TAF4: variants seen among roughly 807,000 people sequenced by gnomAD.
TAF4 encodes TATA-box binding protein associated factor 4.
TAF4 carries 9 observed loss-of-function variants against 90.3 expected under a neutral mutation model. That is an observed-to-expected ratio of 0.10 (90% CI 0.06 to 0.17). The LOEUF is 0.17. Ranked by LOEUF, TAF4 falls within the 10% of genes least tolerant of loss-of-function variation. The pLI is 1.00. For synonymous variants in TAF4, 818 were observed against 638.9 expected (o/e 1.28, Z -4.23); for missense variants, 1,351 against 1,370.7 (o/e 0.99, Z 0.23).
rs756251942 is a variant in TAF4 at position 62,064,496 on chromosome 20, G to A, written c.1315C>T (p.Pro439Ser). Residue 439 changes from proline (P) to serine (S), a missense_variant, in exon 1 of 15, where the codon CCG becomes TCG. Pro to Ser is a moderately conservative substitution (Grantham distance 74). Transcript: ENST00000252996. ...TGGATGTTGGTCGGGTTCTGAGGCG[G>A]CTGCGGCAAGCGGGGGGCCAGCACG... ...PTVLAPRLPQ[P>S]PQNPTNIQNF... The A allele has an allele frequency of 2.6e-6, 4 of 1,516,280 alleles. No homozygotes were observed. The highest frequency in any genetic ancestry group is 2.2e-5 in the Admixed American group (1 of 46,010). 93.9% of individuals were successfully genotyped at this position (1,516,280 alleles called of 1,614,324 possible). A position where few individuals can be genotyped will look rare whatever the true frequency, so the allele number is the denominator to read the frequency against.
At chr20:62,040,799 C>A (rs999047936) in intron 1 of TAF4, among the ~76,000 whole-genome samples, 38 of 152,244 alleles carry the variant, frequency 2.5e-4, no homozygotes, top group African/African-American at 9.2e-4. Context: ...ACCAAACTCA[C>A]ACCTTCCGTA....
Position 62,007,527 on chromosome 20 carries a change from AC to A in TAF4, c.1974+19del. Reference sequence around the variant, plus strand: ...CTCCCTGGCCCTACTGCTCGCAGGCACCGGGGCCTTTGAAATTACCTTCAGG... The same window carrying A: ...CTCCCTGGCCCTACTGCTCGCAGGCACGGGGCCTTTGAAATTACCTTCAGG... On this transcript the variant is annotated intron_variant, in intron 6 of 14. Coordinates refer to ENST00000252996, the MANE Select transcript of TAF4 (RefSeq NM_003185.4). The A allele has an allele frequency of 6.2e-7, 1 of 1,611,668 alleles. No homozygotes were observed.
intron 1 of TAF4, among the ~76,000 whole-genome samples, chr20:62,019,848 G>C (rs1371674121): frequency 6.6e-6 from 1 of 152,234 alleles, no homozygotes; most frequent in East Asian, 1.9e-4. Flanking sequence ...AGCATGCGAA[G>C]CTGTGCCACA....
At chr20:61,980,462 T>C (rs1399214595) in intron 14 of TAF4, 4 of 152,238 alleles carry the variant, frequency 2.6e-5, no homozygotes, top group Non-Finnish European at 5.9e-5. Flanking sequence ...CGGGTAACAA[T>C]AGCCTATGCC....
chr20:61,997,544 C>A lies in TAF4; in HGVS notation c.3090+6G>T. On this transcript the variant is annotated splice_donor_region_variant and intron_variant, in intron 14 of 14. Coordinates refer to ENST00000252996, the MANE Select transcript of TAF4 (RefSeq NM_003185.4). Reference sequence around the variant, plus strand: ...CCAGGACCTCGATCCCACAACACTGCCGTACCTCTGCTCCTGAGCCCGGCC... The same window carrying A: ...CCAGGACCTCGATCCCACAACACTGACGTACCTCTGCTCCTGAGCCCGGCC... 1 of 1,589,996 alleles carries A rather than the reference C, an allele frequency of 6.3e-7. No individual in the cohort carries two copies. The highest frequency in any genetic ancestry group is 8.5e-7 in the Non-Finnish European group (1 of 1,169,988).
chr20:62,006,891 G>T lies in TAF4; in HGVS notation c.1975-133C>A, dbSNP rs2055749835. On this transcript the variant is annotated intron_variant, in intron 6 of 14. Coordinates refer to ENST00000252996, the MANE Select transcript of TAF4 (RefSeq NM_003185.4). The surrounding 1 kb of genome is among the most constrained non-coding windows in gnomAD (Gnocchi z 7.0). ...AAGATGGATCTTGGCCCTCACGGCA[G>T]CATGTCTGGATGTCAAGGGCCAGGA... The T allele has an allele frequency of 1.6e-6, 2 of 1,252,768 alleles. No individual in the cohort carries two copies. The highest frequency in any genetic ancestry group is 5.5e-5 in the South Asian group (2 of 36,354). 77.6% of individuals were successfully genotyped at this position (1,252,768 alleles called of 1,614,324 possible).
At chr20:62,029,830 CG>C (rs1382348176) in intron 1 of TAF4, among the ~76,000 whole-genome samples, 1 of 152,142 alleles carries the variant, frequency 6.6e-6, no homozygotes, top group Non-Finnish European at 1.5e-5. Context: ...CGCTTGAACC[CG>C]GGAGTCGGAG....
At chr20:61,976,914 G>C (rs1253377522) in intron 14 of TAF4, among the ~76,000 whole-genome samples, 1 of 152,186 alleles carries the variant, frequency 6.6e-6, no homozygotes, top group African/African-American at 2.4e-5. Flanking sequence ...CAGGTGACCA[G>C]GTGTCTCCCG....
chr20:61,996,839 T>C (rs186037422), intron 14 of TAF4, among the ~76,000 whole-genome samples: 1 of 151,510 alleles, frequency 6.6e-6, no homozygotes, highest in Admixed American at 6.6e-5. Flanking sequence ...ATACAATTTT[T>C]CAAGTAAACA....
In TAF4 at chr20:61,976,165, G is replaced by A. The variant is rs769374020; in HGVS notation, c.*3C>T. The A allele has an allele frequency of 1.9e-6, 3 of 1,613,666 alleles. No individual in the cohort carries two copies. Among genetic ancestry groups the A allele is most frequent in the South Asian group, 2.2e-5 (2 of 91,088 alleles). Reference sequence around the variant, plus strand: ...ATAAAAAGTCCCCAGGCGTCCTCCTGTGTCACTTAAGGAATGCTTTGTAGA... The same window carrying A: ...ATAAAAAGTCCCCAGGCGTCCTCCTATGTCACTTAAGGAATGCTTTGTAGA... On this transcript the variant is annotated 3_prime_UTR_variant, in exon 15 of 15. Coordinates refer to ENST00000252996, the MANE Select transcript of TAF4 (RefSeq NM_003185.4).
chr20:62,032,047 G>A (rs916626677), intron 1 of TAF4, among the ~76,000 whole-genome samples: 3 of 152,156 alleles, frequency 2.0e-5, no homozygotes, highest in Non-Finnish European at 2.9e-5. Flanking sequence ...CTCCCATCTC[G>A]CACTCTTCCT....
chr20:62,018,835 A>G (rs1215817512), intron 1 of TAF4, among the ~76,000 whole-genome samples: 1 of 152,246 alleles, frequency 6.6e-6, no homozygotes, highest in Non-Finnish European at 1.5e-5. Context: ...TCCTCGTCCA[A>G]CCAAGATGGG....
chr20:62,013,061 C>T (rs2055788964), intron 2 of TAF4, 127 bp from the exon 3 acceptor site: 7 of 1,343,414 alleles, frequency 5.2e-6, no homozygotes, highest in Admixed American at 2.8e-5. Flanking sequence ...TATCCGTGAT[C>T]TGCAATGAAG....
intron 14 of TAF4, among the ~76,000 whole-genome samples, chr20:61,989,090 A>AGT (rs1163325569): frequency 6.6e-6 from 1 of 152,184 alleles, no homozygotes; most frequent in Non-Finnish European, 1.5e-5. Flanking sequence ...GGGGGCGGCT[A>AGT]AACGGAAGCC....
intron 14 of TAF4, among the ~76,000 whole-genome samples, chr20:61,995,372 A>C (rs67310354): frequency 0.11 from 17,316 of 152,248 alleles, 1,293 homozygotes; most frequent in Non-Finnish European, 0.16. Context: ...AACAAAATGG[A>C]AACTTCAACT....
chr20:61,992,723 GT>G (rs2055638925), intron 14 of TAF4, among the ~76,000 whole-genome samples: 1 of 152,128 alleles, frequency 6.6e-6, no homozygotes, highest in Non-Finnish European at 1.5e-5. Context: ...GAAGAAACCA[GT>G]TCTTGGAGAA....
chr20:61,979,571 T>C (rs1018625509), intron 14 of TAF4, among the ~76,000 whole-genome samples: 2 of 141,522 alleles, frequency 1.4e-5, no homozygotes, highest in African/African-American at 2.7e-5. Context: ...CTGCGGCCCA[T>C]GCAGGCGCGA....
Position 62,064,685 on chromosome 20 carries a change from C to A in TAF4, c.1126G>T (p.Gly376Trp). Residue 376 changes from glycine to tryptophan, a missense_variant, in exon 1 of 15, where the codon GGG (glycine) becomes TGG (tryptophan). Coordinates refer to ENST00000252996, the MANE Select transcript of TAF4 (RefSeq NM_003185.4). ...PASTAASMVI[G>W]PTMQGALPSP... ...GGCAGCGCCCCTTGCATAGTTGGCC[C>A]GATGACCATGCTGGCCGCCGTGCTG... 7.9e-7 allele frequency: 1 copy of A among 1,263,632 alleles called. No homozygotes were observed. The highest frequency in any genetic ancestry group is 9.9e-7 in the Non-Finnish European group (1 of 1,009,498). 78.3% of individuals were successfully genotyped at this position (1,263,632 alleles called of 1,614,324 possible). A position where few individuals can be genotyped will look rare whatever the true frequency, so the allele number is the denominator to read the frequency against.
chr20:62,037,181 A>C (rs1352373456), intron 1 of TAF4, among the ~76,000 whole-genome samples: 2 of 32,668 alleles, frequency 6.1e-5, no homozygotes, highest in Non-Finnish European at 1.6e-4. Context: ...GAGAAGACAG[A>C]CTGCCTCCCC....
Sources: allele counts gnomAD v4.1 joint callset (sites outside exome capture counted in the v4.1 genomes callset), GRCh38; gene constraint gnomAD v4.1.1; non-coding constraint Gnocchi (gnomAD v3.1); transcripts MANE v1.5; gene names NCBI Gene and HGNC (gene_info 2026-07-23, HGNC 2026-07-21).